Variants in MMP16 observed in about 807,000 individuals in gnomAD.
The protein encoded by MMP16 is matrix metalloproteinase-16.
MMP16 carries 12 observed loss-of-function variants against 67.8 expected under a neutral mutation model. That is an observed-to-expected ratio of 0.18 (90% CI 0.11 to 0.29). The LOEUF is 0.29. Among genes scored for constraint, MMP16 ranks in the 10% least tolerant of loss-of-function variants. MMP16 has a pLI of 1.00. For missense variants in MMP16, 475 were observed against 765.7 expected (o/e 0.62, Z 4.48); for synonymous variants, 249 against 255.9 (o/e 0.97, Z 0.26).
chr8:88,185,842 T>C (rs916219799), intron 3 of MMP16, among the ~76,000 whole-genome samples: 3 of 152,202 alleles, frequency 2.0e-5, no homozygotes, highest in Non-Finnish European at 2.9e-5. Flanking sequence ...GTTCAACTTT[T>C]TGTGACTGTA....
chr8:88,191,850 C>T lies in MMP16; in HGVS notation c.282-5252G>A, dbSNP rs540633102. ...TCCTGTGCTGGTGCTGCAGGAAGGCCGTGCTTCAACAAAATACCAGGGAAA... is the reference window on the plus strand; with the variant it reads ...TCCTGTGCTGGTGCTGCAGGAAGGCTGTGCTTCAACAAAATACCAGGGAAA... On this transcript the variant is annotated intron_variant, in intron 2 of 9. Transcript: ENST00000286614. Among the ~76,000 whole-genome samples, 12 of 152,298 alleles carry T rather than the reference C, an allele frequency of 7.9e-5. No homozygotes were observed. The East Asian group carries it at 2.1e-3, about 27-fold the overall frequency.
At chr8:88,323,774 C>T (rs1298990621) in intron 1 of MMP16, among the ~76,000 whole-genome samples, 3 of 151,256 alleles carry the variant, frequency 2.0e-5, no homozygotes, top group Non-Finnish European at 4.4e-5. Flanking sequence ...AACAAAAATG[C>T]TCACAGCATA....
intron 7 of MMP16, among the ~76,000 whole-genome samples, chr8:88,066,692 T>A (rs937960315): frequency 2.6e-5 from 4 of 151,828 alleles, no homozygotes; most frequent in Middle Eastern, 3.2e-3. Context: ...CTGGCTTCTT[T>A]AAAAAAACAA....
chr8:88,190,403 G>A (rs1335126091), intron 2 of MMP16, among the ~76,000 whole-genome samples: 1 of 152,118 alleles, frequency 6.6e-6, no homozygotes, highest in Non-Finnish European at 1.5e-5. Flanking sequence ...GATTTCATAA[G>A]CAGGCAGGTT....
chr8:88,105,958 T>C (rs1302437326), intron 6 of MMP16, among the ~76,000 whole-genome samples: 1 of 150,710 alleles, frequency 6.6e-6, no homozygotes, highest in African/African-American at 2.4e-5. Flanking sequence ...ATTAGTCCTT[T>C]GAGAATTTTT....
chr8:88,099,060 A>G (rs1361047592), intron 6 of MMP16, among the ~76,000 whole-genome samples: 4 of 151,772 alleles, frequency 2.6e-5, no homozygotes, highest in African/African-American at 9.7e-5. Flanking sequence ...ATGTATAAGG[A>G]ATTATTTTTA....
At chr8:88,081,008 C>T (rs1808740564) in intron 6 of MMP16, among the ~76,000 whole-genome samples, 1 of 152,076 alleles carries the variant, frequency 6.6e-6, no homozygotes, top group Non-Finnish European at 1.5e-5. Flanking sequence ...TTCAGAGGCA[C>T]TCTGCTGGAT....
intron 1 of MMP16, among the ~76,000 whole-genome samples, chr8:88,205,282 A>G (rs753320797): frequency 1.6e-4 from 25 of 152,114 alleles, no homozygotes; most frequent in Non-Finnish European, 2.6e-4. Flanking sequence ...GTTAATTTAG[A>G]CTGCCTTTTA....
rs926157721 is a variant in MMP16 at position 88,038,081 on chromosome 8, A to G, written c.*3380T>C. 1 of 151,990 alleles carries G rather than the reference A, an allele frequency of 6.6e-6. No individual in the cohort carries two copies. Among genetic ancestry groups the G allele is most frequent in the African/African-American group, 2.4e-5 (1 of 41,434 alleles). 9.4% of individuals were successfully genotyped at this position (151,990 alleles called of 1,614,324 possible). A position where few individuals can be genotyped will look rare whatever the true frequency, so the allele number is the denominator to read the frequency against. On this transcript the variant is annotated 3_prime_UTR_variant, in exon 10 of 10. Coordinates refer to ENST00000286614, the MANE Select transcript of MMP16 (RefSeq NM_005941.5). The surrounding 1 kb of genome is among the most constrained non-coding windows in gnomAD (Gnocchi z 4.1). ...ACTATTCTTATGTGCTAGATGAATT[A>G]CTTTCCCTTTCACTGTTCCATTTGG...
chr8:88,226,807 T>C lies in MMP16; in HGVS notation c.133-29501A>G, dbSNP rs140149445. On this transcript the variant is annotated intron_variant, in intron 1 of 9. Transcript: ENST00000286614. Reference sequence around the variant, plus strand: ...CTGGTCAGCACTGCCTTCAACTCAGTCCCTGGTAAAACATTCAGGAGGACT... The same window carrying C: ...CTGGTCAGCACTGCCTTCAACTCAGCCCCTGGTAAAACATTCAGGAGGACT... 3.9e-3 allele frequency among the ~76,000 whole-genome samples: 594 copies of C among 151,654 alleles called. 5 individuals carry two copies. The highest frequency in any genetic ancestry group is 0.014 in the African/African-American group (560 of 41,098).
In MMP16 at chr8:88,179,004, C is replaced by G. The variant is rs1017002652; in HGVS notation, c.404+7472G>C. Among the ~76,000 whole-genome samples the G allele has an allele frequency of 3.3e-5, 5 of 151,714 alleles. No individual in the cohort carries two copies. In the East Asian group the frequency reaches 7.7e-4, roughly 24 times the overall value. The stretch of plus-strand genomic sequence containing the variant: ...CCAAGAACTGGAGAGAAAATACACA[C>G]AATGAAAATACTAGGAGAAGAGAGA... On this transcript the variant is annotated intron_variant, in intron 3 of 9. Transcript: ENST00000286614.
At chr8:88,276,713 G>A (rs936855193) in intron 1 of MMP16, among the ~76,000 whole-genome samples, 1 of 151,964 alleles carries the variant, frequency 6.6e-6, no homozygotes, top group Non-Finnish European at 1.5e-5. Context: ...ATAGTGCTTG[G>A]GGGTTGATAA....
At chr8:88,096,960 C>T (rs1041278303) in intron 6 of MMP16, among the ~76,000 whole-genome samples, 4 of 151,866 alleles carry the variant, frequency 2.6e-5, no homozygotes, top group Admixed American at 6.6e-5. Flanking sequence ...GAGGATATGG[C>T]TCTGTAGTGA....
At chr8:88,214,867 G>A (rs1250454071) in intron 1 of MMP16, among the ~76,000 whole-genome samples, 1 of 152,164 alleles carries the variant, frequency 6.6e-6, no homozygotes, top group Non-Finnish European at 1.5e-5. Context: ...TACTGCCAGT[G>A]TGATAATCTT....
chr8:88,257,546 C>A (rs1373795969), intron 1 of MMP16, among the ~76,000 whole-genome samples: 3 of 152,138 alleles, frequency 2.0e-5, no homozygotes, highest in African/African-American at 7.2e-5. Context: ...TAGATTAATG[C>A]CCTCTAAGGG....
At chr8:88,184,611 G>A (rs1809038736) in intron 3 of MMP16, among the ~76,000 whole-genome samples, 1 of 140,064 alleles carries the variant, frequency 7.1e-6, no homozygotes, top group Non-Finnish European at 1.5e-5. Flanking sequence ...GCTGGGCATG[G>A]TCGTGCACAC....
chr8:88,290,380 G>A (rs551507857), intron 1 of MMP16, among the ~76,000 whole-genome samples: 88 of 152,008 alleles, frequency 5.8e-4, no homozygotes, highest in African/African-American at 1.9e-3. Flanking sequence ...GTGAAACCCC[G>A]TCTCTACTAA....
chr8:88,182,594 C>T lies in MMP16; in HGVS notation c.404+3882G>A, dbSNP rs117534058. On this transcript the variant is annotated intron_variant, in intron 3 of 9. Transcript: ENST00000286614. ...GGGCTTGTAGGTCTACAGTATCTCT[C>T]ATTTACTGCTGGTAATAATGCAAAA... Among the ~76,000 whole-genome samples the T allele has an allele frequency of 3.4e-3, 518 of 152,246 alleles. 4 individuals are homozygous for T. Among genetic ancestry groups the T allele is most frequent in the Middle Eastern group, 6.8e-3 (2 of 294 alleles).
chr8:88,297,208 T>C (rs1016457885), intron 1 of MMP16, among the ~76,000 whole-genome samples: 1 of 151,988 alleles, frequency 6.6e-6, no homozygotes, highest in African/African-American at 2.4e-5. Context: ...CCAAGAATAA[T>C]TGGGCAAGGA....
Sources: gnomAD v4.1 joint callset for allele counts (sites outside exome capture counted in the v4.1 genomes callset) on GRCh38, gnomAD v4.1.1 for gene constraint, Gnocchi (gnomAD v3.1) non-coding constraint, MANE v1.5 for transcripts, NCBI Gene and HGNC (gene_info 2026-07-23, HGNC 2026-07-21) for gene names.